CDYL: variants seen among roughly 807,000 people sequenced by gnomAD.
The protein encoded by CDYL is chromodomain Y like, also known as chromodomain Y-like protein.
Under a neutral mutation model 47.3 loss-of-function variants are expected in CDYL, and 8 were observed. The observed-to-expected ratio is 0.17, with a 90% CI of 0.10 to 0.31. CDYL has a LOEUF of 0.31. Among genes scored for constraint, CDYL ranks in the 10% least tolerant of loss-of-function variants. CDYL has a pLI of 1.00. For synonymous variants in CDYL, 266 were observed against 265.0 expected (o/e 1.00, Z -0.04); for missense variants, 471 against 701.4 (o/e 0.67, Z 3.71).
chr6:4,713,625 T>C (rs897886960), intron 1 of CDYL, among the ~76,000 whole-genome samples: 3 of 150,534 alleles, frequency 2.0e-5, no homozygotes, highest in African/African-American at 7.4e-5. Flanking sequence ...TCTTGCTGCG[T>C]TGCCCAGGCT....
chr6:4,874,720 C>T (rs944900227), intron 1 of CDYL, among the ~76,000 whole-genome samples: 3 of 152,238 alleles, frequency 2.0e-5, no homozygotes, highest in African/African-American at 7.2e-5. Flanking sequence ...CTCTGGGCTC[C>T]CATCGCCCCA....
intron 1 of CDYL, among the ~76,000 whole-genome samples, chr6:4,862,672 A>C (rs1328939196): frequency 1.3e-5 from 2 of 152,202 alleles, no homozygotes; most frequent in African/African-American, 2.4e-5. Flanking sequence ...ACTTTAGAAC[A>C]GTTAATTAAT....
rs752119127 is a variant in CDYL at position 4,907,698 on chromosome 6, G to A, written c.691+15319G>A. On this transcript the variant is annotated intron_variant, in intron 2 of 6. Transcript: ENST00000397588. Reference sequence around the variant, plus strand: ...TCTAATACGGTTTTTAAGTATTCTCGGATGCTCAAAACTGATCGCAAAACC... The same window carrying A: ...TCTAATACGGTTTTTAAGTATTCTCAGATGCTCAAAACTGATCGCAAAACC... 2.6e-5 allele frequency among the ~76,000 whole-genome samples: 4 copies of A among 152,072 alleles called. 1 individual carries two copies. The highest frequency in any genetic ancestry group is 4.8e-5 in the African/African-American group (2 of 41,398).
intron 1 of CDYL, among the ~76,000 whole-genome samples, chr6:4,791,404 T>C (rs1758912573): frequency 6.6e-6 from 1 of 152,246 alleles, no homozygotes; most frequent in Non-Finnish European, 1.5e-5. Context: ...ACTGAAGTAC[T>C]TTAGTTCACG....
In CDYL at chr6:4,941,719, T is replaced by C. The variant is rs149674937; in HGVS notation, c.1122-1827T>C. On this transcript the variant is annotated intron_variant, in intron 4 of 6. Transcript: ENST00000397588. Reference sequence around the variant, plus strand: ...AAATATATGGGCATGGAGGCAAGGATATATGAAATAATTCCTTTTACTGTT... The same window carrying C: ...AAATATATGGGCATGGAGGCAAGGACATATGAAATAATTCCTTTTACTGTT... Among the ~76,000 whole-genome samples, 11 of 152,378 alleles carry C rather than the reference T, an allele frequency of 7.2e-5. No individual in the cohort carries two copies. In the East Asian group the frequency reaches 1.9e-3, roughly 27 times the overall value.
At chr6:4,849,994 G>A (rs553845025) in intron 1 of CDYL, among the ~76,000 whole-genome samples, 1 of 152,166 alleles carries the variant, frequency 6.6e-6, no homozygotes, top group Non-Finnish European at 1.5e-5. Flanking sequence ...GACTAGCTGG[G>A]TGACTTCATT....
upstream of CDYL, among the ~76,000 whole-genome samples, chr6:4,776,074 C>T (rs894799516): frequency 1.3e-5 from 2 of 150,540 alleles, no homozygotes; most frequent in South Asian, 2.1e-4. Flanking sequence ...CAAGCGCCCA[C>T]GTCGAGGCGG....
chr6:4,834,115 TATG>T (rs1281260260), intron 1 of CDYL, among the ~76,000 whole-genome samples: 1 of 151,724 alleles, frequency 6.6e-6, no homozygotes, highest in Non-Finnish European at 1.5e-5. Context: ...ATCCTGTCAT[TATG>T]ATGTTAGCTG....
rs184117341 is a variant in CDYL at position 4,781,996 on chromosome 6, A to G, written c.24+5189A>G. On this transcript the variant is annotated intron_variant, in intron 1 of 6. Coordinates refer to ENST00000397588, the MANE Select transcript of CDYL (RefSeq NM_004824.4). The stretch of plus-strand genomic sequence containing the variant: ...TCCGAGAAGCTTCTTTTTGGAATGC[A>G]GGTGGATTTAGGAGCCTCTGGATAC... Among the ~76,000 whole-genome samples, 11 of 135,226 alleles carry G rather than the reference A, an allele frequency of 8.1e-5. No individual in the cohort carries two copies. In the East Asian group the frequency reaches 2.6e-3, roughly 32 times the overall value. 88.7% of individuals were successfully genotyped at this position (135,226 alleles called of 152,430 possible).
chr6:4,826,322 T>C (rs1759981143), intron 1 of CDYL, among the ~76,000 whole-genome samples: 1 of 152,184 alleles, frequency 6.6e-6, no homozygotes, highest in African/African-American at 2.4e-5. Flanking sequence ...TTAATTTCAT[T>C]GATTTTTCTT....
At chr6:4,771,405 C>T (rs758810651), upstream of CDYL, among the ~76,000 whole-genome samples, 15 of 152,198 alleles carry the variant, frequency 9.9e-5, no homozygotes, top group East Asian at 1.9e-4. Flanking sequence ...TCAGCCACCA[C>T]GTCCAGCTGA....
intron 2 of CDYL, among the ~76,000 whole-genome samples, chr6:4,912,270 G>A (rs1194088798): frequency 2.6e-5 from 4 of 152,088 alleles, no homozygotes; most frequent in African/African-American, 4.8e-5. Flanking sequence ...AAATGTTGAC[G>A]TTGGTTTTGG....
intron 5 of CDYL, among the ~76,000 whole-genome samples, chr6:4,945,742 C>A (rs1361499279): frequency 6.6e-6 from 1 of 152,240 alleles, no homozygotes; most frequent in Non-Finnish European, 1.5e-5. Context: ...ACCTCTCAGG[C>A]CGTGCCGACG....
At chr6:4,736,552 C>T (rs981106210) in intron 3 of CDYL, among the ~76,000 whole-genome samples, 5 of 152,126 alleles carry the variant, frequency 3.3e-5, no homozygotes, top group Admixed American at 1.3e-4. Flanking sequence ...CAGGAGGGTG[C>T]AGGGGACATG....
intron 1 of CDYL, among the ~76,000 whole-genome samples, chr6:4,851,932 C>G (rs1260393316): frequency 6.6e-6 from 1 of 151,844 alleles, no homozygotes; most frequent in Non-Finnish European, 1.5e-5. Flanking sequence ...CATTTTACAC[C>G]CTTTTCTATG....
intron 1 of CDYL, among the ~76,000 whole-genome samples, chr6:4,876,024 A>T (rs113733778): frequency 0.015 from 2,213 of 152,312 alleles, 60 homozygotes; most frequent in African/African-American, 0.05. Context: ...GCTTAGCTAA[A>T]CAAATGCATA....
At chr6:4,943,486 C>T (rs186263393) in intron 4 of CDYL, 60 bp from the exon 5 acceptor site, 1 of 1,223,914 alleles carries the variant, frequency 8.2e-7, no homozygotes, top group Non-Finnish European at 1.2e-6. Context: ...CCATAATAGA[C>T]TTTTCCTTTG....
At chr6:4,738,048 A>G (rs1452862056) in intron 3 of CDYL, among the ~76,000 whole-genome samples, 2 of 152,246 alleles carry the variant, frequency 1.3e-5, no homozygotes, top group African/African-American at 4.8e-5. Flanking sequence ...ATAGAAAAAA[A>G]TGAGTAAATG....
At chr6:4,826,295 C>T (rs114480397) in intron 1 of CDYL, among the ~76,000 whole-genome samples, 4,033 of 152,006 alleles carry the variant, frequency 0.027, 182 homozygotes, top group African/African-American at 0.092. Flanking sequence ...TTATTGAGTT[C>T]TTCAAATAAC....
Sources: allele counts gnomAD v4.1 joint callset (sites outside exome capture counted in the v4.1 genomes callset), GRCh38; gene constraint gnomAD v4.1.1; transcripts MANE v1.5; gene names NCBI Gene and HGNC (gene_info 2026-07-23, HGNC 2026-07-21).